Variants in LEF1 observed in about 807,000 individuals in gnomAD.
LEF1 encodes lymphoid enhancer-binding factor 1.
Under a neutral mutation model 51.2 loss-of-function variants are expected in LEF1, and 14 were observed. That is an observed-to-expected ratio of 0.27 (90% CI 0.18 to 0.43). LEF1 has a LOEUF of 0.43. LEF1 is among the 20% of genes least tolerant of loss of function. The pLI, the probability that LEF1 is intolerant of heterozygous loss-of-function variation, is 1.00. For missense variants in LEF1, 386 were observed against 512.0 expected (o/e 0.75, Z 2.37); for synonymous variants, 185 against 183.2 (o/e 1.01, Z -0.08).
chr4:108,090,228 T>C (rs1739927518), intron 3 of LEF1, among the ~76,000 whole-genome samples: 1 of 152,168 alleles, frequency 6.6e-6, no homozygotes, highest in Non-Finnish European at 1.5e-5. Context: ...TCTGCCCACT[T>C]TGGCCTCCCA....
At chr4:108,104,326 T>C (rs1489926203) in intron 3 of LEF1, among the ~76,000 whole-genome samples, 3 of 151,678 alleles carry the variant, frequency 2.0e-5, no homozygotes, top group East Asian at 3.9e-4. Flanking sequence ...ACAGTGGTGA[T>C]AGTTGTACAA....
rs556379283 is a variant in LEF1, at chr4:108,051,597, G to A, written c.*7-2846C>T. ...TCAAAGCCAGCAATTACTGCTCTCC[G>A]GCTGCGGCTGGGCTTCAAAGGGAGT... On this transcript the variant is annotated intron_variant, in intron 11 of 11. Transcript: ENST00000265165. Among the ~76,000 whole-genome samples the A allele has an allele frequency of 2.8e-4, 42 of 152,242 alleles. No individual in the cohort carries two copies. In the South Asian group the frequency reaches 7.5e-3, roughly 27 times the overall value.
chr4:108,077,490 C>T (rs879098567), intron 8 of LEF1, among the ~76,000 whole-genome samples: 4 of 68,210 alleles, frequency 5.9e-5, no homozygotes, highest in African/African-American at 8.5e-5. Context: ...GCCCGGCTGC[C>T]GCCCCGTCTG....
chr4:108,147,833 G>T (rs1354801469), intron 3 of LEF1, among the ~76,000 whole-genome samples: 1 of 152,134 alleles, frequency 6.6e-6, no homozygotes, highest in African/African-American at 2.4e-5. Context: ...GAAACAAAAA[G>T]GTAAAGCAAT....
At chr4:108,100,958 G>T (rs1206216868) in intron 3 of LEF1, among the ~76,000 whole-genome samples, 1 of 152,192 alleles carries the variant, frequency 6.6e-6, no homozygotes, top group Non-Finnish European at 1.5e-5. Flanking sequence ...AACATGGTCT[G>T]GGGTGACCTG....
rs190351954 is a variant in LEF1 at position 108,097,093 on chromosome 4, A to T, written c.415-7836T>A. Among the ~76,000 whole-genome samples, 14 of 152,330 alleles carry T rather than the reference A, an allele frequency of 9.2e-5. 1 individual carries two copies. Among genetic ancestry groups the T allele is most frequent in the Admixed American group, 4.6e-4 (7 of 15,300 alleles). ...ATCTAACAATCCCACTGCTCGGTAT[A>T]CTCAAAAGAAAGGAAATCAGTATAT... is the stretch of plus-strand genomic sequence containing the variant. On this transcript the variant is annotated intron_variant, in intron 3 of 11. Transcript: ENST00000265165.
intron 3 of LEF1, among the ~76,000 whole-genome samples, chr4:108,142,446 T>C (rs1743725292): frequency 6.6e-6 from 1 of 151,996 alleles, no homozygotes; most frequent in African/African-American, 2.4e-5. Context: ...GGCAGAAAAA[T>C]TCCTAAGAAC....
intron 3 of LEF1, among the ~76,000 whole-genome samples, chr4:108,099,617 T>TATATAA (rs1371330564): frequency 1.2e-4 from 14 of 118,214 alleles, no homozygotes; most frequent in Non-Finnish European, 2.2e-4. Flanking sequence ...TATATATATA[T>TATATAA]AAATAATACT....
chr4:108,148,191 A>T lies in LEF1; in HGVS notation c.414+15377T>A, dbSNP rs560575849. The stretch of plus-strand genomic sequence containing the variant: ...GGCAGCAATGTTTATAAACTTGTTC[A>T]TTTCAAATGCTCTATAAATAGTTCT... On this transcript the variant is annotated intron_variant, in intron 3 of 11. Coordinates refer to ENST00000265165, the MANE Select transcript of LEF1 (RefSeq NM_016269.5). 2.0e-5 allele frequency among the ~76,000 whole-genome samples: 3 copies of T among 152,268 alleles called. No homozygotes were observed. In the East Asian group the frequency reaches 5.8e-4, roughly 29 times the overall value.
chr4:108,103,147 A>G (rs1440873284), intron 3 of LEF1, among the ~76,000 whole-genome samples: 1 of 152,234 alleles, frequency 6.6e-6, no homozygotes, highest in Non-Finnish European at 1.5e-5. Context: ...AAGAGTGAGA[A>G]TTGTCAAGCT....
chr4:108,152,321 A>C (rs1459152341), intron 3 of LEF1, among the ~76,000 whole-genome samples: 1 of 152,192 alleles, frequency 6.6e-6, no homozygotes, highest in African/African-American at 2.4e-5. Context: ...ACTGAATCAT[A>C]AGCTGCAAGG....
chr4:108,130,527 C>T (rs1171228426), intron 3 of LEF1, among the ~76,000 whole-genome samples: 1 of 149,700 alleles, frequency 6.7e-6, no homozygotes, highest in Non-Finnish European at 1.5e-5. Context: ...CAAGACCAGC[C>T]TAGTCAATTG....
chr4:108,072,714 A>G (rs1738570418), intron 8 of LEF1: 1 of 152,228 alleles, frequency 6.6e-6, no homozygotes, highest in East Asian at 1.9e-4. Context: ...CTAGTAGAAT[A>G]AACATTAGAC....
chr4:108,092,435 T>G (rs1740084700), intron 3 of LEF1, among the ~76,000 whole-genome samples: 1 of 152,150 alleles, frequency 6.6e-6, no homozygotes, highest in Admixed American at 6.5e-5. Flanking sequence ...GATTCCAACT[T>G]ACACTGCGGA....
At chr4:108,166,532 G>GT in intron 1 of LEF1, 1 of 1,297,158 alleles carries the variant, frequency 7.7e-7, no homozygotes, top group Admixed American at 3.8e-5. Context: ...GGAGTGTCGG[G>GT]TATCAGGGTC....
At chr4:108,153,982 C>T (rs1182770018) in intron 3 of LEF1, among the ~76,000 whole-genome samples, 1 of 152,166 alleles carries the variant, frequency 6.6e-6, no homozygotes, top group Non-Finnish European at 1.5e-5. Context: ...AGAAAGAAGT[C>T]TAAAAGGCCA....
chr4:108,051,315 C>T (rs538189128), intron 11 of LEF1, among the ~76,000 whole-genome samples: 1 of 152,130 alleles, frequency 6.6e-6, no homozygotes, highest in African/African-American at 2.4e-5. Context: ...CAGTTTGTCC[C>T]TGGTGGCTCT....
At chr4:108,115,909 C>G (rs1305756200) in intron 3 of LEF1, among the ~76,000 whole-genome samples, 1 of 150,294 alleles carries the variant, frequency 6.7e-6, no homozygotes, top group Non-Finnish European at 1.5e-5. Flanking sequence ...GGCCTGCGGT[C>G]TGAAGGCTGC....
chr4:108,080,985 C>T (rs950604982), intron 6 of LEF1, among the ~76,000 whole-genome samples: 5 of 146,802 alleles, frequency 3.4e-5, no homozygotes, highest in East Asian at 2.1e-4. Flanking sequence ...CTTCTCGGTG[C>T]GGCGCGGCAG....
Sources: gnomAD v4.1 joint callset for allele counts (sites outside exome capture counted in the v4.1 genomes callset) on GRCh38, gnomAD v4.1.1 for gene constraint, MANE v1.5 for transcripts, NCBI Gene and HGNC (gene_info 2026-07-23, HGNC 2026-07-21) for gene names.